Variants in ANKIB1 observed in about 807,000 individuals in gnomAD.
The protein encoded by ANKIB1 is ankyrin repeat and IBR domain-containing protein 1.
A neutral mutation model predicts 122.1 loss-of-function variants in ANKIB1; 43 were observed. The observed-to-expected ratio is 0.35, with a 90% CI of 0.28 to 0.45. The LOEUF (loss-of-function observed/expected upper bound fraction) is 0.45. Ranked by LOEUF, ANKIB1 falls within the 20% of genes least tolerant of loss-of-function variation. The probability of loss-of-function intolerance (pLI) is 1.00; values close to 1 mark genes in which losing one functional copy is unlikely to be tolerated. For synonymous variants in ANKIB1, 390 were observed against 442.0 expected (o/e 0.88, Z 1.48); for missense variants, 992 against 1,329.5 (o/e 0.75, Z 3.95).
chr7:92,260,368 T>A (rs1293772254), intron 1 of ANKIB1, among the ~76,000 whole-genome samples: 1 of 152,190 alleles, frequency 6.6e-6, no homozygotes, highest in East Asian at 1.9e-4. Flanking sequence ...CTACATCACC[T>A]TCTTTAGCTC....
chr7:92,346,231 C>T (rs894655742), intron 7 of ANKIB1, among the ~76,000 whole-genome samples: 4 of 151,806 alleles, frequency 2.6e-5, no homozygotes, highest in African/African-American at 7.3e-5. Flanking sequence ...CGGGTTCAAG[C>T]GATTCTCATT....
intron 5 of ANKIB1, among the ~76,000 whole-genome samples, chr7:92,342,149 T>C (rs1490699603): frequency 6.6e-6 from 1 of 152,194 alleles, no homozygotes; most frequent in East Asian, 1.9e-4. Context: ...TACCCTTTAG[T>C]CTTCTCAGAA....
Position 92,246,017 on chromosome 7 carries a change from GACCTGCA to G in ANKIB1, c.-592_-586del. ...CTGCCGTTCCTGCTCCTTTTCACTGGACCTGCAGTCTCTCAGGGGCTGGTGGCAGGCG... is the reference window on the plus strand; with the variant it reads ...CTGCCGTTCCTGCTCCTTTTCACTGGGTCTCTCAGGGGCTGGTGGCAGGCG... On this transcript the variant is annotated 5_prime_UTR_variant, in exon 1 of 20. Transcript: ENST00000265742. The G allele has an allele frequency of 3.9e-6, 1 of 257,028 alleles. No individual in the cohort carries two copies. The highest frequency in any genetic ancestry group is 3.5e-5 in the South Asian group (1 of 28,960). The allele number at this position is 257,028 out of a possible 1,614,324, so 15.9% of individuals were successfully genotyped here.
In ANKIB1 at chr7:92,390,061, A is replaced by G. The variant is rs781224650; in HGVS notation, c.1997A>G (p.Tyr666Cys). The change falls in exon 15 of 20, where the codon TAT becomes TGT. Residue 666 changes from tyrosine (Y) to cysteine (C), a missense_variant. By Grantham distance (194) the Tyr-to-Cys change is radical. Coordinates refer to ENST00000265742, the MANE Select transcript of ANKIB1 (RefSeq NM_019004.2). Reference sequence around the variant, plus strand: ...CGCATTCTCAAGTGTTCTTATCCATATGGATTTTTCTTGGAACCTAAAAGC... The same window carrying G: ...CGCATTCTCAAGTGTTCTTATCCATGTGGATTTTTCTTGGAACCTAAAAGC... ...TRRILKCSYPYGFFLEPKSTK... is the reference protein window; with the variant it reads ...TRRILKCSYPCGFFLEPKSTK... The G allele has an allele frequency of 5.6e-6, 9 of 1,599,238 alleles. No individual in the cohort carries two copies. The highest frequency in any genetic ancestry group is 1.2e-5 in the South Asian group (1 of 86,528).
In ANKIB1 at chr7:92,396,364, G is replaced by A. The variant is rs1235861370; in HGVS notation, c.2284-1G>A. The A allele has an allele frequency of 3.3e-6, 5 of 1,530,386 alleles. No homozygotes were observed. Among genetic ancestry groups the A allele is most frequent in the Non-Finnish European group, 4.5e-6 (5 of 1,115,768 alleles). The allele number at this position is 1,530,386 out of a possible 1,614,324, so 94.8% of individuals were successfully genotyped here. A position where few individuals can be genotyped will look rare whatever the true frequency, so the allele number is the denominator to read the frequency against. Reference sequence around the variant, plus strand: ...TATTTTATAACCTTTGGTTTATGCAGGAATATGCTGAATTTCAGTATCGGA... The same window carrying A: ...TATTTTATAACCTTTGGTTTATGCAAGAATATGCTGAATTTCAGTATCGGA... On this transcript the variant is annotated splice_acceptor_variant, in intron 17 of 19. Transcript: ENST00000265742. LOFTEE classifies it high-confidence loss of function.
chr7:92,355,105 G>A (rs1333138250), intron 9 of ANKIB1, among the ~76,000 whole-genome samples: 1 of 152,112 alleles, frequency 6.6e-6, no homozygotes, highest in Admixed American at 6.5e-5. Context: ...TTCTCTACCT[G>A]TTCACAAAGT....
intron 5 of ANKIB1, among the ~76,000 whole-genome samples, chr7:92,339,300 C>T (rs1183166535): frequency 6.6e-6 from 1 of 151,790 alleles, no homozygotes; most frequent in Non-Finnish European, 1.5e-5. Flanking sequence ...CCTTGGCCTC[C>T]CAAAGTGCTG....
rs776144231 is a variant in ANKIB1 at position 92,353,469 on chromosome 7, AT to A, written c.1397+830del. 5.9e-5 allele frequency among the ~76,000 whole-genome samples: 9 copies of A among 152,214 alleles called. No homozygotes were observed. In the East Asian group the frequency reaches 1.2e-3, roughly 20 times the overall value. On this transcript the variant is annotated intron_variant, in intron 9 of 19. Transcript: ENST00000265742. The stretch of plus-strand genomic sequence containing the variant: ...TGATAAAAAAGAAAAAAGCTACAGT[AT>A]TTATTCTGTTTTTTGCTCATTTCCA...
At chr7:92,297,002 C>A (rs1802369416) in intron 2 of ANKIB1, among the ~76,000 whole-genome samples, 1 of 152,188 alleles carries the variant, frequency 6.6e-6, no homozygotes, top group Non-Finnish European at 1.5e-5. Flanking sequence ...CCTTCCAAAA[C>A]TGGGTCTTCC....
chr7:92,258,696 A>G (rs1801500122), intron 1 of ANKIB1, among the ~76,000 whole-genome samples: 1 of 152,216 alleles, frequency 6.6e-6, no homozygotes, highest in African/African-American at 2.4e-5. Context: ...TCCAAACTTC[A>G]GCTCATAAGA....
chr7:92,300,839 C>T lies in ANKIB1; in HGVS notation c.188+5673C>T, dbSNP rs561905163. On this transcript the variant is annotated intron_variant, in intron 2 of 19. Transcript: ENST00000265742. ...CTAACTGAAAATTTGTACCCTTTGACGAACATCTCCCCATTTTCTTTACCC... is the reference window on the plus strand; with the variant it reads ...CTAACTGAAAATTTGTACCCTTTGATGAACATCTCCCCATTTTCTTTACCC... Among the ~76,000 whole-genome samples the T allele has an allele frequency of 7.9e-5, 12 of 152,198 alleles. No homozygotes were observed. The South Asian group carries it at 2.3e-3, about 29-fold the overall frequency.
intron 10 of ANKIB1, among the ~76,000 whole-genome samples, chr7:92,366,909 T>G (rs1804098545): frequency 6.6e-6 from 1 of 152,158 alleles, no homozygotes; most frequent in African/African-American, 2.4e-5. Context: ...CTTACCATAT[T>G]AAAATTGGAT....
intron 1 of ANKIB1, among the ~76,000 whole-genome samples, chr7:92,268,964 T>C (rs1338852650): frequency 6.6e-6 from 1 of 152,258 alleles, no homozygotes; most frequent in Non-Finnish European, 1.5e-5. Context: ...AAAGCATTAC[T>C]CTAAAGTATA....
chr7:92,291,206 A>G (rs1802237936), intron 1 of ANKIB1, among the ~76,000 whole-genome samples: 3 of 151,944 alleles, frequency 2.0e-5, no homozygotes, highest in African/African-American at 4.8e-5. Flanking sequence ...AGGCATGAGA[A>G]TCGGTTGAAC....
chr7:92,369,362 T>A (rs1341241094), intron 10 of ANKIB1, among the ~76,000 whole-genome samples: 1 of 152,224 alleles, frequency 6.6e-6, no homozygotes, highest in Non-Finnish European at 1.5e-5. Context: ...AGTCCAACAG[T>A]AGCTGCTGTT....
intron 5 of ANKIB1, among the ~76,000 whole-genome samples, chr7:92,335,289 A>T (rs1803263042): frequency 6.6e-6 from 1 of 151,902 alleles, no homozygotes; most frequent in African/African-American, 2.4e-5. Flanking sequence ...AAATTTGTTG[A>T]GGCTTGTTTA....
chr7:92,395,408 T>A (rs1157743803), intron 17 of ANKIB1, among the ~76,000 whole-genome samples: 7 of 152,236 alleles, frequency 4.6e-5, no homozygotes, highest in Non-Finnish European at 1.0e-4. Flanking sequence ...TCTAGTCATT[T>A]GATTTGTGAA....
chr7:92,397,697 C>T, intron 18 of ANKIB1, 26 bp from the exon 19 acceptor site: 1 of 1,607,350 alleles, frequency 6.2e-7, no homozygotes. Flanking sequence ...ACTAAATTGT[C>T]TTTGGTACCA....
At chr7:92,287,693 T>A in intron 1 of ANKIB1, among the ~76,000 whole-genome samples, 1 of 152,042 alleles carries the variant, frequency 6.6e-6, no homozygotes, top group East Asian at 1.9e-4. Flanking sequence ...AATTCATCTA[T>A]CTAGTGCAGT....
Sources: gnomAD v4.1 joint callset for allele counts (sites outside exome capture counted in the v4.1 genomes callset) on GRCh38, gnomAD v4.1.1 for gene constraint, MANE v1.5 for transcripts, NCBI Gene and HGNC (gene_info 2026-07-23, HGNC 2026-07-21) for gene names.